Variants in TMEM178A observed in about 807,000 individuals in gnomAD.
TMEM178A encodes transmembrane protein 178A.
In TMEM178A, 12 loss-of-function variants were observed where a neutral mutation model predicts 29.1. That is an observed-to-expected ratio of 0.41 (90% confidence interval 0.26 to 0.67). The LOEUF is 0.67. Among genes scored for constraint, TMEM178A ranks in the 30% least tolerant of loss-of-function variants. The pLI is 0.29. For synonymous variants in TMEM178A, 210 were observed against 187.2 expected, an observed-to-expected ratio of 1.12 and a Z score of -0.99; for missense variants, 366 against 419.1, an observed-to-expected ratio of 0.87 and a Z score of 1.11.
intron 3 of TMEM178A, among the ~76,000 whole-genome samples, chr2:39,708,064 A>G (rs1413591453): frequency 6.6e-6 from 1 of 152,196 alleles, no homozygotes; most frequent in African/African-American, 2.4e-5. Flanking sequence ...TATTGTGGAG[A>G]GACATAAACA....
At chr2:39,710,146 C>A (rs1360062741) in intron 3 of TMEM178A, among the ~76,000 whole-genome samples, 1 of 152,154 alleles carries the variant, frequency 6.6e-6, no homozygotes, top group Non-Finnish European at 1.5e-5. Flanking sequence ...CGGGAAGCTC[C>A]TGTGTAATTG....
intron 1 of TMEM178A, among the ~76,000 whole-genome samples, chr2:39,702,370 G>T (rs1044453076): frequency 7.2e-5 from 11 of 152,102 alleles, no homozygotes; most frequent in African/African-American, 2.7e-4. Flanking sequence ...GTCTTTGCCA[G>T]TGGGGTTTGT....
downstream of TMEM178A, among the ~76,000 whole-genome samples, chr2:39,720,177 G>A (rs1672673862): frequency 6.6e-6 from 1 of 152,172 alleles, no homozygotes; most frequent in East Asian, 1.9e-4. Flanking sequence ...CTCATTATTT[G>A]AATCTAGCCC....
chr2:39,680,996 GT>G (rs537522376), intron 1 of TMEM178A, among the ~76,000 whole-genome samples: 3 of 150,042 alleles, frequency 2.0e-5, no homozygotes, highest in East Asian at 3.9e-4. Context: ...CAATTTCTTT[GT>G]TTTTTTTTCC....
chr2:39,679,290 TTTG>T (rs1670767987), intron 1 of TMEM178A, among the ~76,000 whole-genome samples: 1 of 152,138 alleles, frequency 6.6e-6, no homozygotes, highest in South Asian at 2.1e-4. Flanking sequence ...CTTCAGTGTT[TTTG>T]TTGTTGTTGT....
intron 1 of TMEM178A, among the ~76,000 whole-genome samples, chr2:39,703,851 G>A (rs937311885): frequency 1.9e-4 from 29 of 152,230 alleles, no homozygotes; most frequent in East Asian, 3.9e-4. Context: ...AACAAGCTCC[G>A]TATGGGAAAA....
At chr2:39,705,700 G>A (rs1193039447) in intron 2 of TMEM178A, among the ~76,000 whole-genome samples, 1 of 152,200 alleles carries the variant, frequency 6.6e-6, no homozygotes, top group Non-Finnish European at 1.5e-5. Context: ...GGAAGCTACT[G>A]TAATCCATCC....
chr2:39,711,602 C>G (rs1232468810), intron 3 of TMEM178A, among the ~76,000 whole-genome samples: 1 of 152,292 alleles, frequency 6.6e-6, no homozygotes, highest in South Asian at 2.1e-4. Context: ...GGACAGTTAA[C>G]ACCCACCCAC....
At chr2:39,697,367 G>A (rs533167179) in intron 1 of TMEM178A, among the ~76,000 whole-genome samples, 1 of 152,328 alleles carries the variant, frequency 6.6e-6, no homozygotes, top group Non-Finnish European at 1.5e-5. Context: ...TGGAACAAGT[G>A]TTTAAGAACA....
chr2:39,672,469 AAG>A (rs1286078178), intron 1 of TMEM178A, among the ~76,000 whole-genome samples: 1 of 152,188 alleles, frequency 6.6e-6, no homozygotes, highest in African/African-American at 2.4e-5. Context: ...AGATAGCAAA[AAG>A]AGCCCTCGAA....
intron 2 of TMEM178A, among the ~76,000 whole-genome samples, chr2:39,705,651 G>C (rs1211678323): frequency 1.3e-5 from 2 of 152,140 alleles, no homozygotes; most frequent in African/African-American, 4.8e-5. Flanking sequence ...TTTAAAAAAG[G>C]GATGGTCTCT....
intron 1 of TMEM178A, among the ~76,000 whole-genome samples, chr2:39,667,057 G>C (rs1040412554): frequency 6.6e-6 from 1 of 152,182 alleles, no homozygotes; most frequent in African/African-American, 2.4e-5. Context: ...GGCTGCCCGA[G>C]GCAGATAGGA....
chr2:39,702,034 A>C lies in TMEM178A; in HGVS notation c.401-2047A>C, dbSNP rs541254208. 3.3e-5 allele frequency among the ~76,000 whole-genome samples: 5 copies of C among 151,916 alleles called. No homozygotes were observed. The South Asian group carries it at 6.2e-4, about 19-fold the overall frequency. On this transcript the variant is annotated intron_variant, in intron 1 of 3. Coordinates refer to ENST00000281961, the MANE Select transcript of TMEM178A (RefSeq NM_152390.3). ...TTAAAATCTTTGTAAGGTAAGTTCA[A>C]TATTTGGGATCCCTCAGTGACAGCT...
the TMEM178A span, among the ~76,000 whole-genome samples, chr2:39,735,835 C>T: frequency 6.6e-6 from 1 of 152,200 alleles, no homozygotes; most frequent in Non-Finnish European, 1.5e-5. Context: ...CTTTGTGTTG[C>T]CACTGGGCAC....
At chr2:39,707,635 C>G (rs1393489746) in intron 3 of TMEM178A, among the ~76,000 whole-genome samples, 2 of 152,132 alleles carry the variant, frequency 1.3e-5, no homozygotes, top group African/African-American at 4.8e-5. Flanking sequence ...CCACACCTGG[C>G]TAATTTTTGT....
At chr2:39,733,031 C>A in the TMEM178A span, among the ~76,000 whole-genome samples, 1 of 152,188 alleles carries the variant, frequency 6.6e-6, no homozygotes, top group Non-Finnish European at 1.5e-5. Context: ...AATCTATACC[C>A]TTACTCCATG....
At chr2:39,726,547 A>C in the TMEM178A span, among the ~76,000 whole-genome samples, 1 of 152,234 alleles carries the variant, frequency 6.6e-6, no homozygotes, top group Non-Finnish European at 1.5e-5. Flanking sequence ...GATTTCAAAC[A>C]TAAGAGTGAT....
At chr2:39,715,595 C>T (rs1230219033) in intron 3 of TMEM178A, among the ~76,000 whole-genome samples, 1 of 152,082 alleles carries the variant, frequency 6.6e-6, no homozygotes, top group Non-Finnish European at 1.5e-5. Flanking sequence ...AGATTTTATC[C>T]TTTTTAGTAA....
chr2:39,716,982 C>A (rs1672566361), intron 3 of TMEM178A, 28 bp from the exon 4 acceptor site: 2 of 1,590,582 alleles, frequency 1.3e-6, no homozygotes, highest in South Asian at 1.1e-5. Flanking sequence ...TGTAACTAAT[C>A]ATTCTGTTCT....
Sources: gnomAD v4.1 joint callset for allele counts (sites outside exome capture counted in the v4.1 genomes callset) on GRCh38, gnomAD v4.1.1 for gene constraint, MANE v1.5 for transcripts, NCBI Gene and HGNC (gene_info 2026-07-23, HGNC 2026-07-21) for gene names.